SH3RF1: variants seen among roughly 807,000 people sequenced by gnomAD.
SH3RF1 encodes E3 ubiquitin-protein ligase SH3RF1.
In SH3RF1, 32 loss-of-function variants were observed where a neutral mutation model predicts 74.0. The observed-to-expected ratio is 0.43, with a 90% CI of 0.33 to 0.58. The LOEUF (loss-of-function observed/expected upper bound fraction) is 0.58. Ranked by LOEUF, SH3RF1 falls within the 20% of genes least tolerant of loss-of-function variation. The pLI is 0.05. For synonymous variants in SH3RF1, 396 were observed against 439.6 expected (o/e 0.90, Z 1.24); for missense variants, 954 against 1,130.9 (o/e 0.84, Z 2.24).
rs757623047 is a variant in SH3RF1, at chr4:169,116,617, G to C, written c.1791C>G (p.Asn597Lys). Residue 597 changes from asparagine to lysine, a missense_variant, in exon 10 of 12, where the codon AAC becomes AAG. Asn to Lys is a moderately conservative substitution (Grantham distance 94). Coordinates refer to ENST00000284637, the MANE Select transcript of SH3RF1 (RefSeq NM_020870.4). The part of the protein sequence containing the change: ...RNAVRTVAAH[N>K]QERPTAAVTP... ...TCACTGCTGCCGTGGGGCGTTCCTG[G>C]TTGTGCGCTGCAACTAGTAGATGGG... 1.9e-6 allele frequency: 3 copies of C among 1,540,950 alleles called. No homozygotes were observed. Among genetic ancestry groups the C allele is most frequent in the Non-Finnish European group, 2.6e-6 (3 of 1,140,256 alleles).
chr4:169,225,934 G>C (rs1410407566), intron 2 of SH3RF1, among the ~76,000 whole-genome samples: 1 of 152,128 alleles, frequency 6.6e-6, no homozygotes, highest in Non-Finnish European at 1.5e-5. Context: ...CTGTTCCTCT[G>C]GCAGATAAGG....
intron 4 of SH3RF1, among the ~76,000 whole-genome samples, chr4:169,150,105 C>A (rs983302771): frequency 6.6e-6 from 1 of 152,186 alleles, no homozygotes; most frequent in African/African-American, 2.4e-5. Flanking sequence ...CTATCCATAG[C>A]CAGAGAAATG....
intron 2 of SH3RF1, among the ~76,000 whole-genome samples, chr4:169,228,819 G>GT: frequency 6.6e-6 from 1 of 152,134 alleles, no homozygotes; most frequent in African/African-American, 2.4e-5. Context: ...ATACCCAAAA[G>GT]TTTTTTAGAT....
intron 2 of SH3RF1, among the ~76,000 whole-genome samples, chr4:169,230,113 G>A (rs1256032964): frequency 1.3e-5 from 2 of 152,204 alleles, no homozygotes; most frequent in Non-Finnish European, 2.9e-5. Flanking sequence ...GGCCGAGGCA[G>A]GAGACTGCTT....
At chr4:169,130,712 T>C (rs1022652176) in intron 5 of SH3RF1, among the ~76,000 whole-genome samples, 2 of 152,216 alleles carry the variant, frequency 1.3e-5, no homozygotes, top group African/African-American at 4.8e-5. Context: ...ATAAAATCTT[T>C]AAAGGAACAA....
chr4:169,186,850 C>CAA (rs759258833), intron 2 of SH3RF1, among the ~76,000 whole-genome samples: 15,336 of 131,646 alleles, frequency 0.12, 874 homozygotes, highest in Middle Eastern at 0.14. Flanking sequence ...ACTAAAAATA[C>CAA]AAAAAAAAAA....
rs575367182 is a variant in SH3RF1 at position 169,145,030 on chromosome 4, A to C, written c.766-8410T>G. Among the ~76,000 whole-genome samples, 3 of 152,316 alleles carry C rather than the reference A, an allele frequency of 2.0e-5. No individual in the cohort carries two copies. The East Asian group carries it at 5.8e-4, about 29-fold the overall frequency. On this transcript the variant is annotated intron_variant, in intron 4 of 11. Coordinates refer to ENST00000284637, the MANE Select transcript of SH3RF1 (RefSeq NM_020870.4). ...CGACCCAGAAATGAAAAAGGCAAAG[A>C]GTTTCAGAGAGATTAAGAATAGTGT... is the stretch of plus-strand genomic sequence containing the variant.
chr4:169,199,105 G>A (rs951528810), intron 2 of SH3RF1, among the ~76,000 whole-genome samples: 1 of 152,154 alleles, frequency 6.6e-6, no homozygotes, highest in Non-Finnish European at 1.5e-5. Flanking sequence ...TAAAGTCTAG[G>A]GTTTTAAAAG....
chr4:169,111,015 T>A (rs533243609), intron 10 of SH3RF1, among the ~76,000 whole-genome samples: 40 of 151,460 alleles, frequency 2.6e-4, no homozygotes, highest in African/African-American at 4.1e-4. Context: ...TAATCAAAAA[T>A]TTTTTTTTCA....
At position 169,136,625 on chromosome 4, in the gene SH3RF1, A is replaced by G; in HGVS notation, c.766-5T>C. 6.7e-7 allele frequency: 1 copy of G among 1,493,856 alleles called. No individual in the cohort carries two copies. The highest frequency in any genetic ancestry group is 2.4e-5 in the East Asian group (1 of 41,686). 92.5% of individuals were successfully genotyped at this position (1,493,856 alleles called of 1,614,324 possible). ...CTGCTTAGCAGCCGAGTTAAACTGC[A>G]AAAGCAACCAACAAACCAACACAAG... On this transcript the variant is annotated splice_region_variant and splice_polypyrimidine_tract_variant and intron_variant, in intron 4 of 11. Transcript: ENST00000284637.
chr4:169,141,812 C>CTTTT (rs35864108), intron 4 of SH3RF1, among the ~76,000 whole-genome samples: 3 of 118,522 alleles, frequency 2.5e-5, no homozygotes, highest in African/African-American at 6.4e-5. Context: ...CTAATTTTTG[C>CTTTT]TTTTTTTTTT....
chr4:169,199,666 A>G (rs1434116392), intron 2 of SH3RF1, among the ~76,000 whole-genome samples: 1 of 152,170 alleles, frequency 6.6e-6, no homozygotes, highest in Admixed American at 6.5e-5. Context: ...CATTTTTGAG[A>G]GCAGCTAGGA....
rs140384139 is a variant in SH3RF1 at position 169,260,206 on chromosome 4, C to T, written c.393+8614G>A. Among the ~76,000 whole-genome samples, 158 of 152,342 alleles carry T rather than the reference C, an allele frequency of 1.0e-3. 1 individual carries two copies. The highest frequency in any genetic ancestry group is 2.4e-3 in the Admixed American group (36 of 15,294). On this transcript the variant is annotated intron_variant, in intron 2 of 11. Coordinates refer to ENST00000284637, the MANE Select transcript of SH3RF1 (RefSeq NM_020870.4). ...TGAACTGACATACTGCCCCTACTCA[C>T]ATGCCTTTTTTGAGCCTCTGATTTT...
At chr4:169,113,521 A>T (rs906497031) in intron 10 of SH3RF1, among the ~76,000 whole-genome samples, 1 of 152,228 alleles carries the variant, frequency 6.6e-6, no homozygotes, top group Admixed American at 6.5e-5. Flanking sequence ...AAACTCTTCC[A>T]GGAGACACTC....
In SH3RF1 at chr4:169,164,205, T is replaced by G. The variant is rs180783193; in HGVS notation, c.394-7526A>C. 6.3e-4 allele frequency among the ~76,000 whole-genome samples: 96 copies of G among 152,344 alleles called. 1 individual carries two copies. Among genetic ancestry groups the G allele is most frequent in the Admixed American group, 5.6e-3 (86 of 15,304 alleles). On this transcript the variant is annotated intron_variant, in intron 2 of 11. Transcript: ENST00000284637. ...AACCTCCTGGAGACCTGGGACTATG[T>G]GTTATGCATCTTTGTATCATGAGTA...
intron 10 of SH3RF1, among the ~76,000 whole-genome samples, chr4:169,113,686 C>A (rs1034204316): frequency 2.6e-5 from 4 of 152,046 alleles, no homozygotes; most frequent in African/African-American, 9.7e-5. Context: ...ACTAAAGACA[C>A]TCTAGTCATG....
intron 2 of SH3RF1, among the ~76,000 whole-genome samples, chr4:169,183,750 T>A (rs1430549571): frequency 2.4e-4 from 33 of 140,254 alleles, no homozygotes; most frequent in African/African-American, 3.0e-4. Context: ...GCTGTCTCTT[T>A]AAAAAAAAAA....
chr4:169,101,149 T>C (rs1403358333), intron 11 of SH3RF1, among the ~76,000 whole-genome samples: 2 of 152,260 alleles, frequency 1.3e-5, no homozygotes, highest in Non-Finnish European at 1.5e-5. Flanking sequence ...GATGAGATGA[T>C]GCTAAATTCA....
At chr4:169,221,897 T>C (rs944176439) in intron 2 of SH3RF1, among the ~76,000 whole-genome samples, 2 of 152,212 alleles carry the variant, frequency 1.3e-5, no homozygotes, top group African/African-American at 4.8e-5. Context: ...TATAACCTTT[T>C]TGCTTAACTG....
Sources: allele counts gnomAD v4.1 joint callset (sites outside exome capture counted in the v4.1 genomes callset), GRCh38; gene constraint gnomAD v4.1.1; transcripts MANE v1.5; gene names NCBI Gene and HGNC (gene_info 2026-07-23, HGNC 2026-07-21).